DPP10: variants seen among roughly 807,000 people sequenced by gnomAD.
DPP10 encodes dipeptidyl peptidase like 10, also known as inactive dipeptidyl peptidase 10.
DPP10 carries 33 observed loss-of-function variants against 120.9 expected under a neutral mutation model. That is an observed-to-expected ratio of 0.27 (90% CI 0.21 to 0.37). The LOEUF (loss-of-function observed/expected upper bound fraction) is 0.37, where lower values mean the gene tolerates loss of function less well. Among genes scored for constraint, DPP10 ranks in the 10% least tolerant of loss-of-function variants. DPP10 has a pLI of 1.00. For missense variants in DPP10, 816 were observed against 942.8 expected, an observed-to-expected ratio of 0.87 and a Z score of 1.76; for synonymous variants, 337 against 326.1, an observed-to-expected ratio of 1.03 and a Z score of -0.36.
chr2:114,606,095 G>A (rs189813719), intron 1 of DPP10, among the ~76,000 whole-genome samples: 1 of 152,100 alleles, frequency 6.6e-6, no homozygotes, highest in Non-Finnish European at 1.5e-5. Context: ...AAGATATTTA[G>A]TATTCAATAA....
intron 1 of DPP10, among the ~76,000 whole-genome samples, chr2:115,169,320 C>T (rs573346579): frequency 1.3e-5 from 2 of 152,124 alleles, no homozygotes; most frequent in East Asian, 1.9e-4. Flanking sequence ...TTAATGCTAT[C>T]GTGCTTCTAG....
intron 1 of DPP10, among the ~76,000 whole-genome samples, chr2:114,650,615 A>G (rs1696513167): frequency 6.6e-6 from 1 of 152,186 alleles, no homozygotes; most frequent in Non-Finnish European, 1.5e-5. Context: ...ATGAGAGAAA[A>G]GGAATTAGAA....
chr2:115,426,077 C>T (rs569784744), intron 3 of DPP10, among the ~76,000 whole-genome samples: 2 of 148,988 alleles, frequency 1.3e-5, no homozygotes, highest in African/African-American at 5.0e-5. Context: ...AGATTCTCAC[C>T]AGGTGCCACC....
intron 9 of DPP10, among the ~76,000 whole-genome samples, chr2:115,741,974 C>T (rs1032809928): frequency 6.6e-6 from 1 of 152,098 alleles, no homozygotes; most frequent in South Asian, 2.1e-4. Context: ...ATAATGTCTT[C>T]TAATAAATTA....
chr2:115,769,584 T>A (rs115759836), intron 13 of DPP10, among the ~76,000 whole-genome samples: 1,959 of 152,106 alleles, frequency 0.013, 45 homozygotes, highest in African/African-American at 0.042. Context: ...AGTATATTAT[T>A]AAGGTGGAAA....
intron 1 of DPP10, among the ~76,000 whole-genome samples, chr2:115,099,466 T>C (rs2048574876): frequency 1.3e-5 from 2 of 152,148 alleles, no homozygotes; most frequent in African/African-American, 4.8e-5. Flanking sequence ...AGAACTGGTA[T>C]GAGAAGGTCC....
chr2:115,628,996 T>C (rs1202162331), intron 5 of DPP10, among the ~76,000 whole-genome samples: 2 of 152,088 alleles, frequency 1.3e-5, no homozygotes, highest in Non-Finnish European at 2.9e-5. Context: ...CCCCAGTGTG[T>C]GATGTTCCCC....
chr2:114,610,615 A>G (rs982927369), intron 1 of DPP10, among the ~76,000 whole-genome samples: 3 of 152,136 alleles, frequency 2.0e-5, no homozygotes, highest in Non-Finnish European at 4.4e-5. Context: ...GTACTGGGGA[A>G]TAGGACTGTG....
intron 1 of DPP10, among the ~76,000 whole-genome samples, chr2:115,169,306 A>C (rs1265347343): frequency 6.6e-6 from 1 of 152,190 alleles, no homozygotes; most frequent in African/African-American, 2.4e-5. Flanking sequence ...AAGTATTTTC[A>C]TTCTTAATGC....
At chr2:115,726,391 A>G (rs1165104827) in intron 7 of DPP10, among the ~76,000 whole-genome samples, 4 of 152,056 alleles carry the variant, frequency 2.6e-5, no homozygotes, top group Non-Finnish European at 5.9e-5. Flanking sequence ...TTTATTCTGC[A>G]TTCATCATCT....
intron 1 of DPP10, among the ~76,000 whole-genome samples, chr2:114,633,555 G>A (rs1002654936): frequency 1.3e-5 from 2 of 151,446 alleles, no homozygotes; most frequent in African/African-American, 2.4e-5. Flanking sequence ...CACCTGGCCA[G>A]CTGGTTTTTC....
chr2:114,808,387 A>T (rs752082865), intron 1 of DPP10, among the ~76,000 whole-genome samples: 3 of 152,142 alleles, frequency 2.0e-5, no homozygotes, highest in African/African-American at 7.2e-5. Context: ...AGAAATATAC[A>T]TAGGAATATA....
intron 3 of DPP10, among the ~76,000 whole-genome samples, chr2:115,459,139 A>G (rs1367378307): frequency 6.6e-6 from 1 of 151,344 alleles, no homozygotes; most frequent in African/African-American, 2.4e-5. Context: ...GGGGTAAGTC[A>G]GTTTTCATCT....
intron 1 of DPP10, among the ~76,000 whole-genome samples, chr2:115,081,097 A>AGTTGCAGATTTCT (rs1409205187): frequency 9.9e-5 from 15 of 152,066 alleles, no homozygotes; most frequent in African/African-American, 3.6e-4. Context: ...TAACATATTT[A>AGTTGCAGATTTCT]GTTGCAGATT....
At chr2:114,472,866 A>G (rs1680039016) in intron 1 of DPP10, among the ~76,000 whole-genome samples, 1 of 152,348 alleles carries the variant, frequency 6.6e-6, no homozygotes, top group Admixed American at 6.5e-5. Flanking sequence ...TATGTGGTCC[A>G]GGTTTATCTC....
At chr2:114,725,006 G>A (rs1304418736) in intron 1 of DPP10, among the ~76,000 whole-genome samples, 1 of 152,074 alleles carries the variant, frequency 6.6e-6, no homozygotes, top group Non-Finnish European at 1.5e-5. Context: ...TGATAAAGGA[G>A]CATCTATTTT....
intron 1 of DPP10, among the ~76,000 whole-genome samples, chr2:115,164,653 C>T (rs2052695712): frequency 1.3e-5 from 2 of 152,318 alleles, no homozygotes; most frequent in South Asian, 4.1e-4. Context: ...GGCCATCAAA[C>T]ACCTATTTCC....
chr2:114,745,430 G>A (rs1013719992), intron 1 of DPP10, among the ~76,000 whole-genome samples: 2 of 152,114 alleles, frequency 1.3e-5, no homozygotes, highest in Non-Finnish European at 2.9e-5. Context: ...AAAATAAAAG[G>A]AACATATTAT....
intron 3 of DPP10, among the ~76,000 whole-genome samples, chr2:115,367,655 G>C (rs192664644): frequency 6.6e-6 from 1 of 151,952 alleles, no homozygotes; most frequent in Admixed American, 6.6e-5. Context: ...CTTTAACGAG[G>C]TGCAATATCA....
Sources: allele counts gnomAD v4.1 joint callset (sites outside exome capture counted in the v4.1 genomes callset), GRCh38; gene constraint gnomAD v4.1.1; transcripts MANE v1.5; gene names NCBI Gene and HGNC (gene_info 2026-07-23, HGNC 2026-07-21).